Variants in ENPP6 observed in about 807,000 individuals in gnomAD.
The protein encoded by ENPP6 is glycerophosphocholine cholinephosphodiesterase ENPP6.
A neutral mutation model predicts 42.0 loss-of-function variants in ENPP6; 32 were observed. The ratio of observed to expected loss-of-function variants is 0.76; its 90% CI spans 0.58 to 1.02. The LOEUF (loss-of-function observed/expected upper bound fraction) is 1.02. Ranked by LOEUF, ENPP6 falls within the 50% of genes least tolerant of loss-of-function variation. The pLI, the probability that ENPP6 is intolerant of heterozygous loss-of-function variation, is 0.00. For missense variants in ENPP6, 552 were observed against 566.8 expected, an observed-to-expected ratio of 0.97 and a Z score of 0.27; for synonymous variants, 213 against 216.0, an observed-to-expected ratio of 0.99 and a Z score of 0.12.
intron 5 of ENPP6, 73 bp downstream of exon 5, chr4:184,116,783 G>T: frequency 6.4e-7 from 1 of 1,552,224 alleles, no homozygotes; most frequent in Non-Finnish European, 8.7e-7. Context: ...AAAACTACAA[G>T]GAAAAGACAG....
At chr4:184,124,635 CAA>C (rs1417532775) in intron 2 of ENPP6, among the ~76,000 whole-genome samples, 2 of 152,152 alleles carry the variant, frequency 1.3e-5, no homozygotes, top group Admixed American at 6.5e-5. Flanking sequence ...TTCATGAAAA[CAA>C]AGTCTTCTAG....
intron 1 of ENPP6, among the ~76,000 whole-genome samples, chr4:184,215,931 C>T (rs552077501): frequency 2.8e-4 from 42 of 152,298 alleles, no homozygotes; most frequent in South Asian, 8.3e-4. Flanking sequence ...GTGCCAATAT[C>T]AGGAGTGTGG....
chr4:184,094,881 C>T (rs1009566336), intron 7 of ENPP6, among the ~76,000 whole-genome samples: 3 of 152,354 alleles, frequency 2.0e-5, no homozygotes, highest in Non-Finnish European at 4.4e-5. Context: ...AATTACTTCC[C>T]TTTCTCTTTG....
At chr4:184,189,355 T>C (rs1732683428) in intron 1 of ENPP6, among the ~76,000 whole-genome samples, 1 of 152,234 alleles carries the variant, frequency 6.6e-6, no homozygotes, top group Admixed American at 6.5e-5. Flanking sequence ...ATTCCTGGCC[T>C]AGATTTCTAA....
rs537265361 is a variant in ENPP6, at chr4:184,134,043, T to C, written c.422-9771A>G. Among the ~76,000 whole-genome samples, 36 of 152,302 alleles carry C rather than the reference T, an allele frequency of 2.4e-4. No individual in the cohort carries two copies. The South Asian group carries it at 3.7e-3, about 16-fold the overall frequency. ...TTTGTTTCTAATTTTTCTATCTATG[T>C]TCATGAAAAAGGTTGTCTTGTAATT... is the stretch of plus-strand genomic sequence containing the variant. On this transcript the variant is annotated intron_variant, in intron 2 of 7. Transcript: ENST00000296741.
intron 2 of ENPP6, among the ~76,000 whole-genome samples, chr4:184,141,972 T>C (rs1008700892): frequency 4.6e-5 from 7 of 152,300 alleles, no homozygotes; most frequent in Admixed American, 4.6e-4. Context: ...AATTTACAGC[T>C]TTCACAGCTG....
Position 184,153,599 on chromosome 4 carries a change from T to A in ENPP6, c.376A>T (p.Thr126Ser). Residue 126 changes from threonine (T) to serine (S), a missense_variant, in exon 2 of 8, where the codon ACT becomes TCT. Transcript: ENST00000296741. Reference sequence around the variant, plus strand: ...ACCTTCCTTTTGGCCTTGGTCAGAGTGACCCACAGAGGTTCTGATCCATTC... The same window carrying A: ...ACCTTCCTTTTGGCCTTGGTCAGAGAGACCCACAGAGGTTCTGATCCATTC... ...WWNGSEPLWV[T>S]LTKAKRKVYM... is the part of the protein sequence containing the mutation. 1 of 1,614,168 alleles carries A rather than the reference T, an allele frequency of 6.2e-7. No homozygotes were observed. The highest frequency in any genetic ancestry group is 8.5e-7 in the Non-Finnish European group (1 of 1,180,034).
At chr4:184,153,772 G>A (rs1737099357) in intron 1 of ENPP6, 39 bp from the exon 2 acceptor site, 7 of 1,584,394 alleles carry the variant, frequency 4.4e-6, no homozygotes, top group Non-Finnish European at 5.1e-6. Context: ...TTACGGTTCT[G>A]GTGGTTTCTA....
At chr4:184,158,052 T>A (rs1267545770) in intron 1 of ENPP6, among the ~76,000 whole-genome samples, 1 of 152,204 alleles carries the variant, frequency 6.6e-6, no homozygotes, top group African/African-American at 2.4e-5. Flanking sequence ...TTATTCTTTT[T>A]GCATCCACTC....
chr4:184,131,830 T>C (rs62340119), intron 2 of ENPP6, among the ~76,000 whole-genome samples: 9,092 of 86,246 alleles, frequency 0.11, 304 homozygotes, highest in Non-Finnish European at 0.12. Context: ...CACACATATA[T>C]ATATATATAA....
chr4:184,144,986 A>C (rs1736894993), intron 2 of ENPP6, among the ~76,000 whole-genome samples: 2 of 152,240 alleles, frequency 1.3e-5, no homozygotes, highest in South Asian at 4.1e-4. Flanking sequence ...GACAGAGGGC[A>C]CTGAGGAAGG....
At chr4:184,156,130 G>A (rs1222078352) in intron 1 of ENPP6, among the ~76,000 whole-genome samples, 1 of 152,178 alleles carries the variant, frequency 6.6e-6, no homozygotes, top group Non-Finnish European at 1.5e-5. Context: ...GACTCCTGTG[G>A]AGAAAGTTGG....
At chr4:184,140,492 C>T (rs1210085632) in intron 2 of ENPP6, among the ~76,000 whole-genome samples, 3 of 147,878 alleles carry the variant, frequency 2.0e-5, no homozygotes, top group Non-Finnish European at 4.5e-5. Context: ...TCAAACTATA[C>T]TACAAGGCTA....
chr4:184,124,567 T>C (rs1301061188), intron 2 of ENPP6, among the ~76,000 whole-genome samples: 2 of 152,194 alleles, frequency 1.3e-5, no homozygotes, highest in Admixed American at 6.5e-5. Flanking sequence ...AATTAATCAA[T>C]ATACACAAAT....
chr4:184,168,194 T>C (rs1385287591), intron 1 of ENPP6, among the ~76,000 whole-genome samples: 3 of 152,134 alleles, frequency 2.0e-5, no homozygotes, highest in Non-Finnish European at 4.4e-5. Flanking sequence ...AGTTTCCTCC[T>C]CTGAAAAATG....
intron 1 of ENPP6, among the ~76,000 whole-genome samples, chr4:184,154,003 A>G (rs1053749144): frequency 6.6e-6 from 1 of 152,172 alleles, no homozygotes; most frequent in African/African-American, 2.4e-5. Context: ...AGTTACACTG[A>G]GGACACTGTG....
chr4:184,095,440 A>C (rs1161154918), intron 7 of ENPP6, among the ~76,000 whole-genome samples: 1 of 151,858 alleles, frequency 6.6e-6, no homozygotes, highest in Non-Finnish European at 1.5e-5. Context: ...CAGGCAGATC[A>C]CCTGAGGTCA....
chr4:184,188,980 CT>C (rs1256088182), intron 1 of ENPP6, among the ~76,000 whole-genome samples: 3 of 152,186 alleles, frequency 2.0e-5, no homozygotes, highest in Non-Finnish European at 4.4e-5. Flanking sequence ...ATTTGCCATT[CT>C]TTGAAAATGT....
chr4:184,170,419 G>A (rs1737442002), intron 1 of ENPP6, among the ~76,000 whole-genome samples: 1 of 144,466 alleles, frequency 6.9e-6, no homozygotes, highest in African/African-American at 2.6e-5. Context: ...GACAGAGTGA[G>A]ACTCTGTCTC....
Sources: allele counts gnomAD v4.1 joint callset (sites outside exome capture counted in the v4.1 genomes callset), GRCh38; gene constraint gnomAD v4.1.1; transcripts MANE v1.5; gene names NCBI Gene and HGNC (gene_info 2026-07-23, HGNC 2026-07-21).